SMCHD1: variants seen among roughly 807,000 people sequenced by gnomAD.
SMCHD1 encodes structural maintenance of chromosomes flexible hinge domain containing 1.
SMCHD1 carries 78 observed loss-of-function variants against 254.7 expected under a neutral mutation model. The observed-to-expected ratio is 0.31, with a 90% CI of 0.26 to 0.37. The LOEUF (loss-of-function observed/expected upper bound fraction) is 0.37. Among genes scored for constraint, SMCHD1 ranks in the 10% least tolerant of loss-of-function variants. SMCHD1 has a pLI of 1.00. For synonymous variants in SMCHD1, 766 were observed against 794.9 expected (o/e 0.96, Z 0.61); for missense variants, 1,840 against 2,408.1 (o/e 0.76, Z 4.94).
At chr18:2,756,626 C>T (rs1236375762) in intron 34 of SMCHD1, among the ~76,000 whole-genome samples, 3 of 152,010 alleles carry the variant, frequency 2.0e-5, no homozygotes, top group African/African-American at 7.3e-5. Flanking sequence ...GACAGAGTCT[C>T]GCTCTGTTTC....
intron 12 of SMCHD1, among the ~76,000 whole-genome samples, chr18:2,701,714 T>C (rs1431347425): frequency 6.6e-6 from 1 of 152,150 alleles, no homozygotes; most frequent in East Asian, 1.9e-4. Flanking sequence ...ACTTTGAAAT[T>C]TGTTACAAAG....
chr18:2,742,613 A>T (rs2075373047), intron 28 of SMCHD1, among the ~76,000 whole-genome samples: 1 of 152,212 alleles, frequency 6.6e-6, no homozygotes, highest in South Asian at 2.1e-4. Context: ...TTTTACATAA[A>T]ATATTCTGTT....
rs149563599 is a variant in SMCHD1, at chr18:2,688,121, A to C, written c.639-273A>C. Reference sequence around the variant, plus strand: ...ATGAGGATAATAAAAATACTTATTTAGTCCTGTTTGCTGAGAGATTTTCTG... The same window carrying C: ...ATGAGGATAATAAAAATACTTATTTCGTCCTGTTTGCTGAGAGATTTTCTG... On this transcript the variant is annotated intron_variant, in intron 5 of 47. Coordinates refer to ENST00000320876, the MANE Select transcript of SMCHD1 (RefSeq NM_015295.3). Among the ~76,000 whole-genome samples the C allele has an allele frequency of 3.9e-3, 592 of 152,358 alleles. 15 individuals are homozygous for C. In the East Asian group the frequency reaches 0.045, roughly 11 times the overall value.
At chr18:2,793,224 A>G (rs543673847) in intron 45 of SMCHD1, among the ~76,000 whole-genome samples, 44 of 152,342 alleles carry the variant, frequency 2.9e-4, no homozygotes, top group African/African-American at 1.0e-3. Flanking sequence ...CACTTACCTG[A>G]TAACAGCCTT....
intron 28 of SMCHD1, among the ~76,000 whole-genome samples, chr18:2,742,481 T>C (rs1364688615): frequency 6.6e-6 from 1 of 152,210 alleles, no homozygotes; most frequent in African/African-American, 2.4e-5. Context: ...ACTTTGCATA[T>C]TTTGAACTTC....
At chr18:2,784,326 T>C in intron 44 of SMCHD1, 124 bp from the exon 45 acceptor site, 1 of 772,504 alleles carries the variant, frequency 1.3e-6, no homozygotes, top group Admixed American at 3.6e-5. Context: ...TGCTAGTTAC[T>C]AAGTTTTTGA....
intron 1 of SMCHD1, among the ~76,000 whole-genome samples, chr18:2,665,373 T>G (rs1027115318): frequency 6.6e-6 from 1 of 151,980 alleles, no homozygotes; most frequent in Non-Finnish European, 1.5e-5. Flanking sequence ...CAGGCTGGAG[T>G]GCAGTGGTGT....
chr18:2,701,037 AT>A, intron 12 of SMCHD1, 119 bp downstream of exon 12: 3 of 759,170 alleles, frequency 4.0e-6, no homozygotes, highest in Non-Finnish European at 5.9e-6. Flanking sequence ...TGATGTATAA[AT>A]TTTTTTATGA....
At position 2,679,480 on chromosome 18, in the gene SMCHD1, C is replaced by CAAAAA. The variant is rs59034633; in HGVS notation, c.638+5350_638+5354dup. Among the ~76,000 whole-genome samples the CAAAAA allele has an allele frequency of 7.9e-3, 464 of 58,660 alleles. 21 individuals are homozygous for CAAAAA. The highest frequency in any genetic ancestry group is 0.017 in the African/African-American group (397 of 23,564). The allele number at this position is 58,660 out of a possible 152,430, so 38.5% of individuals were successfully genotyped here. On this transcript the variant is annotated intron_variant, in intron 5 of 47. Coordinates refer to ENST00000320876, the MANE Select transcript of SMCHD1 (RefSeq NM_015295.3). ...GGGTGACAGAGCGAGACTCCATCTCCAAAAAAAAAAAAAAAAAAAGGAACT... is the reference window on the plus strand; with the variant it reads ...GGGTGACAGAGCGAGACTCCATCTCCAAAAAAAAAAAAAAAAAAAAAAAAGGAACT...
chr18:2,774,751 A>C (rs1202400359), intron 41 of SMCHD1, among the ~76,000 whole-genome samples: 2 of 152,210 alleles, frequency 1.3e-5, no homozygotes, highest in Non-Finnish European at 2.9e-5. Context: ...TTATTGCTAG[A>C]GTAGGTTTGT....
rs552177221 is a variant in SMCHD1, at chr18:2,728,763, C to G, written c.2913+167C>G. ...AATAGTTTTTTTTTTTTAATCGTACCTAAACCAATAAAGATGCCAACTGTG... is the reference window on the plus strand; with the variant it reads ...AATAGTTTTTTTTTTTTAATCGTACGTAAACCAATAAAGATGCCAACTGTG... On this transcript the variant is annotated intron_variant, in intron 23 of 47. Coordinates refer to ENST00000320876, the MANE Select transcript of SMCHD1 (RefSeq NM_015295.3). 6.6e-4 allele frequency: 423 copies of G among 638,464 alleles called. 7 individuals are homozygous for G. In the South Asian group the frequency reaches 0.011, roughly 17 times the overall value. 39.5% of individuals were successfully genotyped at this position (638,464 alleles called of 1,614,324 possible). A position where few individuals can be genotyped will look rare whatever the true frequency, so the allele number is the denominator to read the frequency against.
intron 37 of SMCHD1, among the ~76,000 whole-genome samples, chr18:2,768,174 AGAC>A (rs2075904760): frequency 6.6e-6 from 1 of 152,100 alleles, no homozygotes; most frequent in African/African-American, 2.4e-5. Context: ...TAAAAAAAAA[AGAC>A]AAACCGGTAG....
chr18:2,656,831 C>T (rs2073079862), intron 1 of SMCHD1, among the ~76,000 whole-genome samples: 1 of 152,158 alleles, frequency 6.6e-6, no homozygotes, highest in African/African-American at 2.4e-5. Context: ...GACACTTGTC[C>T]AGGTCAGCTC....
At chr18:2,795,433 T>G (rs2143858653) in intron 45 of SMCHD1, among the ~76,000 whole-genome samples, 1 of 152,296 alleles carries the variant, frequency 6.6e-6, no homozygotes, top group Non-Finnish European at 1.5e-5. Context: ...GTACAAAAAA[T>G]AAGAACAATT....
chr18:2,713,557 C>T (rs749102522), intron 17 of SMCHD1, among the ~76,000 whole-genome samples: 36 of 151,998 alleles, frequency 2.4e-4, no homozygotes, highest in Non-Finnish European at 3.7e-4. Flanking sequence ...TGGTGATGTG[C>T]GCCTGTAATT....
chr18:2,670,832 C>T (rs546686022), intron 3 of SMCHD1, among the ~76,000 whole-genome samples: 3 of 142,898 alleles, frequency 2.1e-5, no homozygotes, highest in Non-Finnish European at 4.5e-5. Context: ...ACCTGGGAGG[C>T]GGAGCTTGTA....
At chr18:2,667,091 C>A in intron 3 of SMCHD1, 60 bp downstream of exon 3, 1 of 1,195,284 alleles carries the variant, frequency 8.4e-7, no homozygotes, top group Non-Finnish European at 1.2e-6. Context: ...CCCCTGATTA[C>A]GTATCCCATT....
intron 44 of SMCHD1, 106 bp from the exon 45 acceptor site, chr18:2,784,344 A>T: frequency 1.0e-6 from 1 of 967,568 alleles, no homozygotes; most frequent in Non-Finnish European, 1.5e-6. Context: ...TGAAAATACT[A>T]CTGTGATCCT....
chr18:2,802,202 A>G (rs1459741447), intron 47 of SMCHD1, among the ~76,000 whole-genome samples: 3 of 152,158 alleles, frequency 2.0e-5, no homozygotes, highest in Non-Finnish European at 2.9e-5. Flanking sequence ...TCTTAAAATA[A>G]TAAGTTCATT....
Sources: allele counts gnomAD v4.1 joint callset (sites outside exome capture counted in the v4.1 genomes callset), GRCh38; gene constraint gnomAD v4.1.1; transcripts MANE v1.5; gene names NCBI Gene and HGNC (gene_info 2026-07-23, HGNC 2026-07-21).